Variants in NAGA observed in about 807,000 individuals in gnomAD.
NAGA encodes Acetylgalactosaminidase, alpha-N- (alpha-galactosidase B).
NAGA carries 42 observed loss-of-function variants against 45.6 expected under a neutral mutation model. That is an observed-to-expected ratio of 0.92 (90% CI 0.72 to 1.19). The LOEUF (loss-of-function observed/expected upper bound fraction) is 1.19, where lower values mean the gene tolerates loss of function less well. Ranked by LOEUF, NAGA falls within the 50% of genes most tolerant of loss-of-function variation. The pLI, the probability that NAGA is intolerant of heterozygous loss-of-function variation, is 0.00. For synonymous variants in NAGA, 176 were observed against 203.1 expected (o/e 0.87, Z 1.13); for missense variants, 493 against 544.8 (o/e 0.90, Z 0.95).
At chr22:42,062,237 G>C (rs1301976522) in intron 7 of NAGA, among the ~76,000 whole-genome samples, 2 of 152,128 alleles carry the variant, frequency 1.3e-5, no homozygotes, top group African/African-American at 4.8e-5. Flanking sequence ...ACTTTGGGAG[G>C]CTGATACGGG....
chr22:42,065,775 G>A lies in NAGA; in HGVS notation c.722C>T (p.Pro241Leu). 6.2e-7 allele frequency: 1 copy of A among 1,614,170 alleles called. No individual in the cohort carries two copies. Among genetic ancestry groups the A allele is most frequent in the Non-Finnish European group, 8.5e-7 (1 of 1,180,034 alleles). Reference protein sequence around the residue: ...WFVEHQDILQPVAGPGHWNDP... With the variant: ...WFVEHQDILQLVAGPGHWNDP... ...ATTCCAGTGCCCAGGGCCGGCCACTGGCTGCAGTATGTCCTGGTGCTCCAC... is the reference window on the plus strand; with the variant it reads ...ATTCCAGTGCCCAGGGCCGGCCACTAGCTGCAGTATGTCCTGGTGCTCCAC... Residue 241 changes from proline (P) to leucine (L), a missense_variant, in exon 6 of 9, where the codon CCA (proline) becomes CTA (leucine). By Grantham distance (98) the Pro-to-Leu change is moderately conservative (BLOSUM62 -3). Transcript: ENST00000396398.
chr22:42,065,419 T>C (rs1926664093), intron 6 of NAGA, among the ~76,000 whole-genome samples: 1 of 152,200 alleles, frequency 6.6e-6, no homozygotes, highest in Admixed American at 6.5e-5. Context: ...AAGGTCGTGA[T>C]CTTCAACCTG....
In NAGA at chr22:42,062,890, C is replaced by T. The variant is rs1926490037; in HGVS notation, c.894G>A (p.Gln298=). Residue 298 remains glutamine, a synonymous_variant, in exon 7 of 9, where the codon CAG becomes CAA. Coordinates refer to ENST00000396398, the MANE Select transcript of NAGA (RefSeq NM_000262.3). The part of the protein sequence containing the change: ...TISAQNMDIL[Q]NPLMIKINQD... ...GGTTGATTTTGATCATGAGTGGATT[C>T]TGCAGAATGTCCATGTTCTGGGCGG... 3.7e-6 allele frequency: 6 copies of T among 1,614,208 alleles called. No individual in the cohort carries two copies. The highest frequency in any genetic ancestry group is 3.4e-6 in the Non-Finnish European group (4 of 1,180,048).
chr22:42,070,492 C>T lies in NAGA; in HGVS notation c.-195G>A, dbSNP rs1926988425. ...TTGCCCGCCCCATCCCCAGCCATCA[C>T]TTCCCGGAGCTTCAGTTCTTCCTTC... On this transcript the variant is annotated 5_prime_UTR_variant, in exon 1 of 9. It adds an upstream start codon to the 5' untranslated region. Transcript: ENST00000396398. The T allele has an allele frequency of 2.9e-6, 2 of 679,690 alleles. No individual in the cohort carries two copies. Among genetic ancestry groups the T allele is most frequent in the Non-Finnish European group, 5.4e-6 (2 of 371,924 alleles). 42.1% of individuals were successfully genotyped at this position (679,690 alleles called of 1,614,324 possible).
chr22:42,060,016 T>C lies in NAGA; in HGVS notation c.*263A>G. On this transcript the variant is annotated 3_prime_UTR_variant, in exon 9 of 9. Transcript: ENST00000396398. ...CATGGAGCTCAGGAGGCTGGCGAGT[T>C]GCTCAGCAACGTCTGTGGGGCTGCG... 1 of 488,948 alleles carries C rather than the reference T, an allele frequency of 2.0e-6. No individual in the cohort carries two copies. The highest frequency in any genetic ancestry group is 2.1e-5 in the South Asian group (1 of 48,668). The allele number at this position is 488,948 out of a possible 1,614,324, so 30.3% of individuals were successfully genotyped here. A position where few individuals can be genotyped will look rare whatever the true frequency, so the allele number is the denominator to read the frequency against.
intron 6 of NAGA, among the ~76,000 whole-genome samples, chr22:42,064,761 G>A (rs1453243162): frequency 6.6e-6 from 1 of 152,158 alleles, no homozygotes; most frequent in Non-Finnish European, 1.5e-5. Flanking sequence ...TTGTCAAAAA[G>A]CTTATAAACT....
At chr22:42,069,067 C>T (rs934391169) in intron 1 of NAGA, among the ~76,000 whole-genome samples, 2 of 152,066 alleles carry the variant, frequency 1.3e-5, no homozygotes, top group Admixed American at 1.3e-4. Flanking sequence ...ATGGTGAAAC[C>T]TTGTCTCTAC....
At chr22:42,064,637 T>A (rs953467862) in intron 6 of NAGA, among the ~76,000 whole-genome samples, 2 of 151,994 alleles carry the variant, frequency 1.3e-5, no homozygotes, top group Non-Finnish European at 2.9e-5. Flanking sequence ...AGAGCAAGAC[T>A]CTGTCTCAAA....
In NAGA at chr22:42,070,401, T is replaced by G. The variant is rs986892070; in HGVS notation, c.-104A>C. The G allele has an allele frequency of 1.6e-5, 23 of 1,439,668 alleles. No individual in the cohort carries two copies. In the African/African-American group the frequency reaches 3.1e-4, roughly 19 times the overall value. 89.2% of individuals were successfully genotyped at this position (1,439,668 alleles called of 1,614,324 possible). ...AAGAAACGTCTGAAAAGCACTGGGG[T>G]CACGGCTGCCTGGCTAGCTCGGCCG... On this transcript the variant is annotated 5_prime_UTR_variant, in exon 1 of 9. Transcript: ENST00000396398.
At position 42,066,810 on chromosome 22, in the gene NAGA, G is replaced by C; in HGVS notation, c.503-6C>G. 1.2e-6 allele frequency: 2 copies of C among 1,600,620 alleles called. No homozygotes were observed. The highest frequency in any genetic ancestry group is 8.5e-7 in the Non-Finnish European group (1 of 1,173,626). On this transcript the variant is annotated splice_polypyrimidine_tract_variant and splice_region_variant and intron_variant, in intron 4 of 8. Coordinates refer to ENST00000396398, the MANE Select transcript of NAGA (RefSeq NM_000262.3). ...AGCAGCCATCTTGGGGTACCCTAGA[G>C]AAAGCCCAACCTGTTTCAGTCCTGA... is the stretch of plus-strand genomic sequence containing the variant.
At chr22:42,066,014 G>A in intron 5 of NAGA, 115 bp from the exon 6 acceptor site, 1 of 1,352,506 alleles carries the variant, frequency 7.4e-7, no homozygotes. Context: ...GAAGAGGGAA[G>A]AGAACAGGCC....
At chr22:42,064,476 T>TTA (rs1926601198) in intron 6 of NAGA, among the ~76,000 whole-genome samples, 1 of 126,098 alleles carries the variant, frequency 7.9e-6, no homozygotes, top group African/African-American at 2.9e-5. Flanking sequence ...CCATCTCTAC[T>TTA]AAAAAAAAAA....
rs549237887 is a variant in NAGA, at chr22:42,068,938, C to T, written c.17-364G>A. ...TGCTCCTAGGCCTACCACGGAACTA[C>T]GTTCTCATAAGCCCAGTGTAAGTTG... On this transcript the variant is annotated intron_variant, in intron 1 of 8. Coordinates refer to ENST00000396398, the MANE Select transcript of NAGA (RefSeq NM_000262.3). Among the ~76,000 whole-genome samples, 7 of 152,034 alleles carry T rather than the reference C, an allele frequency of 4.6e-5. No homozygotes were observed. The East Asian group carries it at 5.8e-4, about 13-fold the overall frequency.
intron 7 of NAGA, 102 bp from the exon 8 acceptor site, chr22:42,061,169 TC>T: frequency 7.0e-7 from 1 of 1,434,480 alleles, no homozygotes; most frequent in Non-Finnish European, 9.6e-7. Flanking sequence ...AGTTCACAGC[TC>T]CATGTCACAC....
Position 42,070,685 on chromosome 22 carries a change from C to T in NAGA, c.-388G>A, listed in dbSNP as rs1034496439. 9.8e-5 allele frequency: 34 copies of T among 345,196 alleles called. No homozygotes were observed. The highest frequency in any genetic ancestry group is 1.4e-4 in the Non-Finnish European group (25 of 179,744). The allele number at this position is 345,196 out of a possible 1,614,324, so 21.4% of individuals were successfully genotyped here. On this transcript the variant is annotated 5_prime_UTR_variant, in exon 1 of 9. Transcript: ENST00000396398. ...GAGGGGCGGGGCTGCGGCCAGGCTC[C>T]GGACTTCCAGCCGGGTCCGGGTTCC...
In NAGA at chr22:42,068,432, TACTC is replaced by T; in HGVS notation, c.152+3_152+6del. The stretch of plus-strand genomic sequence containing the variant: ...AGGCTCATCAGGTGAGTGTGGACCT[TACTC>T]ACCTTATGCAGTTCTTTGGGTCCTC... On this transcript the variant is annotated splice_donor_5th_base_variant and intron_variant, in intron 2 of 8. Transcript: ENST00000396398. 2 of 1,614,138 alleles carry T rather than the reference TACTC, an allele frequency of 1.2e-6. No individual in the cohort carries two copies. The highest frequency in any genetic ancestry group is 1.3e-5 in the African/African-American group (1 of 75,016).
intron 8 of NAGA, among the ~76,000 whole-genome samples, chr22:42,060,712 T>A (rs1199238060): frequency 2.0e-5 from 3 of 152,234 alleles, no homozygotes; most frequent in Non-Finnish European, 4.4e-5. Context: ...TTCATATTTA[T>A]ATGCAGTAGT....
chr22:42,062,346 G>C (rs758573322), intron 7 of NAGA, among the ~76,000 whole-genome samples: 3 of 152,068 alleles, frequency 2.0e-5, no homozygotes, highest in Non-Finnish European at 4.4e-5. Context: ...GGCGCCTGTA[G>C]TGCCAGCTAC....
Position 42,066,816 on chromosome 22 carries a change from C to T in NAGA, c.503-12G>A, listed in dbSNP as rs775325332. 3.6e-5 allele frequency: 57 copies of T among 1,597,774 alleles called. No individual in the cohort carries two copies. The highest frequency in any genetic ancestry group is 4.8e-5 in the Non-Finnish European group (56 of 1,172,168). ...CATCTTGGGGTACCCTAGAGAAAGC[C>T]CAACCTGTTTCAGTCCTGAGGAAGT... On this transcript the variant is annotated splice_polypyrimidine_tract_variant and intron_variant, in intron 4 of 8. Transcript: ENST00000396398.
Sources: gnomAD v4.1 joint callset for allele counts (sites outside exome capture counted in the v4.1 genomes callset) on GRCh38, gnomAD v4.1.1 for gene constraint, MANE v1.5 for transcripts, NCBI Gene and HGNC (gene_info 2026-07-23, HGNC 2026-07-21) for gene names.